The following NR2C2 variants were observed in gnomAD, a reference collection of about 807,000 sequenced individuals.
The protein encoded by NR2C2 is Nuclear hormone receptor TR4.
In NR2C2, 6 loss-of-function variants were observed where a neutral mutation model predicts 62.9. That is an observed-to-expected ratio of 0.10 (90% CI 0.05 to 0.19). The LOEUF (loss-of-function observed/expected upper bound fraction) is 0.19, where lower values mean the gene tolerates loss of function less well. Among genes scored for constraint, NR2C2 ranks in the 10% least tolerant of loss-of-function variants. The pLI, the probability that NR2C2 is intolerant of heterozygous loss-of-function variation, is 1.00. For synonymous variants in NR2C2, 272 were observed against 273.8 expected, an observed-to-expected ratio of 0.99 and a Z score of 0.07; for missense variants, 479 against 762.7, an observed-to-expected ratio of 0.63 and a Z score of 4.38.
intron 1 of NR2C2, among the ~76,000 whole-genome samples, chr3:14,973,122 A>G (rs2040098672): frequency 6.6e-6 from 1 of 152,184 alleles, no homozygotes. Flanking sequence ...GATGTAAAAA[A>G]AGTTTTAATT....
rs1396601470 is a variant in NR2C2 at position 15,047,423 on chromosome 3, T to C, written c.*4415T>C. The stretch of plus-strand genomic sequence containing the variant: ...GACAGTTTATCTTAATATCCAAAAC[T>C]AAGTGGGAATTTTTAACCTTTTCAT... On this transcript the variant is annotated 3_prime_UTR_variant, in exon 14 of 14. Coordinates refer to ENST00000425241, the MANE Select transcript of NR2C2 (RefSeq NM_001291694.2). 3.3e-5 allele frequency: 5 copies of C among 152,188 alleles called. No individual in the cohort carries two copies. Among genetic ancestry groups the C allele is most frequent in the African/African-American group, 9.7e-5 (4 of 41,438 alleles). The allele number at this position is 152,188 out of a possible 1,614,324, so 9.4% of individuals were successfully genotyped here.
chr3:15,019,708 T>C lies in NR2C2; in HGVS notation c.377-1045T>C, dbSNP rs116634432. On this transcript the variant is annotated intron_variant, in intron 4 of 13. Transcript: ENST00000425241. The stretch of plus-strand genomic sequence containing the variant: ...CATGTGGAATCCTTAAAAAAAAAAA[T>C]TGATATCATAGAAACAGAGAGTAGA... 4.2e-3 allele frequency among the ~76,000 whole-genome samples: 638 copies of C among 151,038 alleles called. 4 individuals are homozygous for C. The highest frequency in any genetic ancestry group is 6.9e-3 in the South Asian group (33 of 4,772).
rs1005294542 is a variant in NR2C2, at chr3:15,046,641, C to G, written c.*3633C>G. On this transcript the variant is annotated 3_prime_UTR_variant, in exon 14 of 14. Coordinates refer to ENST00000425241, the MANE Select transcript of NR2C2 (RefSeq NM_001291694.2). ...CTCATTGGAGTCCAGAAGCTTGTTGCCCACTTTCCAGTGTAAATGACTTTA... is the reference window on the plus strand; with the variant it reads ...CTCATTGGAGTCCAGAAGCTTGTTGGCCACTTTCCAGTGTAAATGACTTTA... The G allele has an allele frequency of 6.6e-6, 1 of 152,288 alleles. No homozygotes were observed. Among genetic ancestry groups the G allele is most frequent in the Non-Finnish European group, 1.5e-5 (1 of 68,052 alleles). The allele number at this position is 152,288 out of a possible 1,614,324, so 9.4% of individuals were successfully genotyped here.
At chr3:14,975,953 C>CT (rs1415604657) in intron 1 of NR2C2, among the ~76,000 whole-genome samples, 1 of 151,670 alleles carries the variant, frequency 6.6e-6, no homozygotes, top group Non-Finnish European at 1.5e-5. Flanking sequence ...TATTTTATTT[C>CT]TTTAGAGACA....
rs1280868831 is a variant in NR2C2, at chr3:15,047,707, TAAAC to T, written c.*4702_*4705del. The T allele has an allele frequency of 6.6e-6, 1 of 152,334 alleles. No homozygotes were observed. The highest frequency in any genetic ancestry group is 2.1e-4 in the South Asian group (1 of 4,826). 9.4% of individuals were successfully genotyped at this position (152,334 alleles called of 1,614,324 possible). On this transcript the variant is annotated 3_prime_UTR_variant, in exon 14 of 14. Coordinates refer to ENST00000425241, the MANE Select transcript of NR2C2 (RefSeq NM_001291694.2). Reference sequence around the variant, plus strand: ...CCATCTTTCTATCGCCAGTTAAAAATAAACAACCTACCAAGTATTATTCTTTAAA... The same window carrying T: ...CCATCTTTCTATCGCCAGTTAAAAATAACCTACCAAGTATTATTCTTTAAA...
At chr3:14,956,686 C>T (rs150119817) in intron 1 of NR2C2, among the ~76,000 whole-genome samples, 1 of 152,294 alleles carries the variant, frequency 6.6e-6, no homozygotes, top group African/African-American at 2.4e-5. Context: ...GAATTACAGG[C>T]ATATGCCACC....
At chr3:15,024,330 C>T in intron 7 of NR2C2, 122 bp downstream of exon 7, 2 of 648,674 alleles carry the variant, frequency 3.1e-6, no homozygotes, top group South Asian at 4.3e-5. Context: ...TGACCTATGT[C>T]TCGGTCTCCT....
rs2042065169 is a variant in NR2C2 at position 15,034,826 on chromosome 3, T to TG, written c.1372+21dup. 6.2e-7 allele frequency: 1 copy of TG among 1,600,710 alleles called. No homozygotes were observed. ...TCCAGGAAGGTAGGGCACAGGGACT[T>TG]GGGGCTGGGGTGTGTCTTGGTTCAG... is the stretch of plus-strand genomic sequence containing the variant. On this transcript the variant is annotated intron_variant, in intron 11 of 13. Coordinates refer to ENST00000425241, the MANE Select transcript of NR2C2 (RefSeq NM_001291694.2).
intron 1 of NR2C2, among the ~76,000 whole-genome samples, chr3:14,981,079 CTT>C (rs2040352976): frequency 6.6e-6 from 1 of 152,220 alleles, no homozygotes; most frequent in African/African-American, 2.4e-5. Context: ...GCAGAACTAA[CTT>C]TGCAACAGAT....
intron 1 of NR2C2, among the ~76,000 whole-genome samples, chr3:14,960,540 C>A (rs983362521): frequency 6.6e-6 from 1 of 152,174 alleles, no homozygotes; most frequent in Non-Finnish European, 1.5e-5. Context: ...CAAGCCACCT[C>A]TTTTAGGGAA....
chr3:14,948,254 ATCC>A (rs927439939), intron 1 of NR2C2: 6 of 151,844 alleles, frequency 4.0e-5, no homozygotes, highest in Non-Finnish European at 7.3e-5. Flanking sequence ...CTTCCTCCTT[ATCC>A]TCCTCCTCCT....
At position 15,045,171 on chromosome 3, in the gene NR2C2, C is replaced by G. The variant is rs567932455; in HGVS notation, c.*2163C>G. ...GGCATCCTGCAGCTCAGTGGTGCCT[C>G]TAACACAGATTGTTGCCTGCCTTCC... On this transcript the variant is annotated 3_prime_UTR_variant, in exon 14 of 14. Transcript: ENST00000425241. 1.3e-5 allele frequency: 2 copies of G among 152,320 alleles called. No individual in the cohort carries two copies. The highest frequency in any genetic ancestry group is 2.4e-5 in the African/African-American group (1 of 41,570). 9.4% of individuals were successfully genotyped at this position (152,320 alleles called of 1,614,324 possible). A position where few individuals can be genotyped will look rare whatever the true frequency, so the allele number is the denominator to read the frequency against.
chr3:15,034,700 CT>C lies in NR2C2; in HGVS notation c.1264del (p.Cys422AlafsTer17). The C allele has an allele frequency of 6.2e-7, 1 of 1,614,172 alleles. No homozygotes were observed. The highest frequency in any genetic ancestry group is 8.5e-7 in the Non-Finnish European group (1 of 1,180,020). On this transcript the variant is annotated frameshift_variant, in exon 11 of 14. Transcript: ENST00000425241. LOFTEE classifies it high-confidence loss of function. The part of the protein sequence containing the change: ...QDCNTSLVRA[C>X]WNELFTLGLA... ...ACTGCAACACCAGCCTTGTGCGGGCCTGCTGGAATGAGCTCTTCACCCTCGG... is the reference window on the plus strand; with the variant it reads ...ACTGCAACACCAGCCTTGTGCGGGCCGCTGGAATGAGCTCTTCACCCTCGG...
chr3:15,030,361 G>C lies in NR2C2; in HGVS notation c.1019G>C (p.Gly340Ala). 6.2e-7 allele frequency: 1 copy of C among 1,613,714 alleles called. No homozygotes were observed. The highest frequency in any genetic ancestry group is 8.5e-7 in the Non-Finnish European group (1 of 1,179,906). ...SLADGIDTSG[G>A]GSIHVISRDQ... Reference sequence around the variant, plus strand: ...GCAGATGGGATAGACACCAGTGGAGGAGGGAGCATCCACGTCATCAGCAGA... The same window carrying C: ...GCAGATGGGATAGACACCAGTGGAGCAGGGAGCATCCACGTCATCAGCAGA... The change falls in exon 9 of 14, where the codon GGA (glycine) becomes GCA (alanine). Residue 340 changes from glycine to alanine, a missense_variant. By Grantham distance (60) the Gly-to-Ala change is moderately conservative (BLOSUM62 0). Coordinates refer to ENST00000425241, the MANE Select transcript of NR2C2 (RefSeq NM_001291694.2).
At chr3:15,006,784 T>C (rs996645119) in intron 2 of NR2C2, among the ~76,000 whole-genome samples, 1 of 152,216 alleles carries the variant, frequency 6.6e-6, no homozygotes, top group South Asian at 2.1e-4. Context: ...ATCTTTTTTT[T>C]TTTTTTTTTT....
chr3:15,032,478 A>G lies in NR2C2; in HGVS notation c.1210A>G (p.Ile404Val). The G allele has an allele frequency of 1.2e-6, 2 of 1,614,184 alleles. No individual in the cohort carries two copies. The highest frequency in any genetic ancestry group is 1.7e-6 in the Non-Finnish European group (2 of 1,180,036). Residue 404 changes from isoleucine (I) to valine (V), a missense_variant, in exon 10 of 14, where the codon ATC (isoleucine) becomes GTC (valine). Physicochemically the swap from Ile to Val is conservative, Grantham distance 29. This residue lies in a region of NR2C2 where 162 missense variants were observed against 296.8 expected (regional missense o/e 0.55). Coordinates refer to ENST00000425241, the MANE Select transcript of NR2C2 (RefSeq NM_001291694.2). Reference protein sequence around the residue: ...LFLSMHWARSIPAFQALGQDC... With the variant: ...LFLSMHWARSVPAFQALGQDC... ...CCTCTCAATGCACTGGGCTCGGTCAATCCCAGCCTTTCAGGCACTTGGGTA... is the reference window on the plus strand; with the variant it reads ...CCTCTCAATGCACTGGGCTCGGTCAGTCCCAGCCTTTCAGGCACTTGGGTA...
At chr3:15,006,439 A>C (rs1468221210) in intron 2 of NR2C2, among the ~76,000 whole-genome samples, 1 of 152,084 alleles carries the variant, frequency 6.6e-6, no homozygotes, top group Non-Finnish European at 1.5e-5. Context: ...GCTATATGTA[A>C]ATTCTATGTA....
At chr3:15,032,601 C>G in intron 10 of NR2C2, 101 bp downstream of exon 10, 1 of 1,411,982 alleles carries the variant, frequency 7.1e-7, no homozygotes, top group East Asian at 2.3e-5. Flanking sequence ...TTGACTGTTT[C>G]TATGACCTCA....
intron 11 of NR2C2, among the ~76,000 whole-genome samples, chr3:15,037,241 T>TGTGTG (rs1559310185): frequency 1.4e-5 from 2 of 138,412 alleles, no homozygotes; most frequent in African/African-American, 5.2e-5. Context: ...GTGTGTGTGT[T>TGTGTG]TTTGTTTTTT....
Sources: gnomAD v4.1 joint callset for allele counts (sites outside exome capture counted in the v4.1 genomes callset) on GRCh38, gnomAD v4.1.1 for gene constraint, gnomAD v4.1.1 regional missense constraint, MANE v1.5 for transcripts, NCBI Gene and HGNC (gene_info 2026-07-23, HGNC 2026-07-21) for gene names.